Variants in FCAR observed in about 807,000 individuals in gnomAD.
FCAR encodes the protein immunoglobulin alpha Fc receptor.
FCAR carries 21 observed loss-of-function variants against 27.1 expected under a neutral mutation model. That is an observed-to-expected ratio of 0.77 (90% CI 0.55 to 1.11). The LOEUF (loss-of-function observed/expected upper bound fraction) is 1.11, where lower values mean the gene tolerates loss of function less well. FCAR is among the 50% of genes most tolerant of loss of function. The probability of loss-of-function intolerance (pLI) is 0.00; values close to 1 mark genes in which losing one functional copy is unlikely to be tolerated. For synonymous variants in FCAR, 134 were observed against 135.8 expected, an observed-to-expected ratio of 0.99 and a Z score of 0.09; for missense variants, 404 against 358.4, an observed-to-expected ratio of 1.13 and a Z score of -1.03.
intron 2 of FCAR, among the ~76,000 whole-genome samples, chr19:54,878,969 C>G (rs1477289779): frequency 6.7e-6 from 1 of 150,082 alleles, no homozygotes; most frequent in Non-Finnish European, 1.5e-5. Flanking sequence ...ACTTCTGCCT[C>G]CCAGGTTCAA....
intron 2 of FCAR, among the ~76,000 whole-genome samples, chr19:54,881,699 C>T (rs2066422912): frequency 6.6e-6 from 1 of 151,876 alleles, no homozygotes; most frequent in African/African-American, 2.4e-5. Flanking sequence ...GGTGAAACCC[C>T]GTCTCTACTG....
At chr19:54,887,482 G>A (rs1437190578) in intron 3 of FCAR, among the ~76,000 whole-genome samples, 11 of 151,750 alleles carry the variant, frequency 7.2e-5, no homozygotes, top group East Asian at 1.9e-4. Flanking sequence ...TTAGCTGGGC[G>A]TGGTGGCGGG....
intron 2 of FCAR, among the ~76,000 whole-genome samples, chr19:54,878,698 A>T: frequency 7.1e-6 from 1 of 141,378 alleles, no homozygotes. Flanking sequence ...GCCTTTTTTG[A>T]TCTTTGTTGG....
At position 54,888,039 on chromosome 19, in the gene FCAR, C is replaced by G; in HGVS notation, c.394C>G (p.Arg132Gly). Residue 132 changes from arginine to glycine, a missense_variant, in exon 4 of 5, where the codon CGG (arginine) becomes GGG (glycine). Coordinates refer to ENST00000355524, the MANE Select transcript of FCAR (RefSeq NM_002000.4). ...LYGKPFLSADRGLVLMPGENI... is the reference protein window; with the variant it reads ...LYGKPFLSADGGLVLMPGENI... ...TGGCAAACCCTTCCTCTCTGCAGAT[C>G]GGGGTCTGGTGTTGATGCCAGGAGA... is the stretch of plus-strand genomic sequence containing the variant. The G allele has an allele frequency of 1.2e-6, 2 of 1,613,926 alleles. No individual in the cohort carries two copies. The highest frequency in any genetic ancestry group is 1.7e-6 in the Non-Finnish European group (2 of 1,179,804).
chr19:54,879,873 G>A (rs1213765855), intron 2 of FCAR, among the ~76,000 whole-genome samples: 1 of 152,118 alleles, frequency 6.6e-6, no homozygotes, highest in Admixed American at 6.6e-5. Context: ...TTTTAGTAGA[G>A]ATGGGGTTTC....
chr19:54,886,287 T>TGTCATGTA (rs2066717687), intron 3 of FCAR, among the ~76,000 whole-genome samples: 1 of 137,090 alleles, frequency 7.3e-6, no homozygotes, highest in Non-Finnish European at 1.5e-5. Flanking sequence ...TGCATTCAGG[T>TGTCATGTA]GTCATGTATC....
intron 2 of FCAR, among the ~76,000 whole-genome samples, chr19:54,884,502 G>C (rs1031105691): frequency 6.6e-6 from 1 of 151,962 alleles, no homozygotes; most frequent in Non-Finnish European, 1.5e-5. Context: ...CATGGTGGTG[G>C]GCACCTGTAA....
chr19:54,885,373 A>G lies in FCAR; in HGVS notation c.209A>G (p.Glu70Gly). 1 of 1,614,088 alleles carries G rather than the reference A, an allele frequency of 6.2e-7. No individual in the cohort carries two copies. The highest frequency in any genetic ancestry group is 8.5e-7 in the Non-Finnish European group (1 of 1,180,014). Residue 70 changes from glutamate to glycine, a missense_variant, in exon 3 of 5, where the codon GAG (glutamate) becomes GGG (glycine). Transcript: ENST00000355524. ...LMIIKNSTYREIGRRLKFWNE... is the reference protein window; with the variant it reads ...LMIIKNSTYRGIGRRLKFWNE... ...ATCATAAAAAACTCCACGTACCGAG[A>G]GATAGGCAGAAGACTGAAGTTTTGG...
At position 54,885,364 on chromosome 19, in the gene FCAR, CGTACCGAGAGATAG is replaced by C; in HGVS notation, c.202_215del (p.Tyr68GlnfsTer8). On this transcript the variant is annotated frameshift_variant, in exon 3 of 5. Coordinates refer to ENST00000355524, the MANE Select transcript of FCAR (RefSeq NM_002000.4). LOFTEE classifies it high-confidence loss of function. ...CAGCTGATGATCATAAAAAACTCCA[CGTACCGAGAGATAG>C]GCAGAAGACTGAAGTTTTGGAATGA... 1 of 1,614,078 alleles carries C rather than the reference CGTACCGAGAGATAG, an allele frequency of 6.2e-7. No individual in the cohort carries two copies. The highest frequency in any genetic ancestry group is 1.6e-4 in the Middle Eastern group (1 of 6,062).
chr19:54,875,468 C>A, intron 2 of FCAR, 103 bp downstream of exon 2: 1 of 942,078 alleles, frequency 1.1e-6, no homozygotes, highest in Non-Finnish European at 1.7e-6. Context: ...ATTTTAATCC[C>A]CATTCTAGTT....
chr19:54,882,628 C>T (rs756684341), intron 2 of FCAR, among the ~76,000 whole-genome samples: 2 of 151,198 alleles, frequency 1.3e-5, no homozygotes, highest in Non-Finnish European at 3.0e-5. Context: ...TAGTAGAGCC[C>T]GGGTTTTGTC....
At chr19:54,883,111 T>C (rs1211982396) in intron 2 of FCAR, among the ~76,000 whole-genome samples, 1 of 151,990 alleles carries the variant, frequency 6.6e-6, no homozygotes, top group Non-Finnish European at 1.5e-5. Context: ...GGCTAAGTGA[T>C]CCTCCTGCCT....
At chr19:54,882,935 G>A (rs1227195508) in intron 2 of FCAR, among the ~76,000 whole-genome samples, 1 of 152,136 alleles carries the variant, frequency 6.6e-6, no homozygotes, top group Non-Finnish European at 1.5e-5. Context: ...GTGTGATCCA[G>A]TAGGTGGCAC....
intron 4 of FCAR, among the ~76,000 whole-genome samples, chr19:54,889,308 G>T (rs868563390): frequency 6.7e-6 from 1 of 148,536 alleles, no homozygotes; most frequent in Non-Finnish European, 1.5e-5. Context: ...GGAGGCGGAG[G>T]TTGCAGTGAG....
At chr19:54,874,947 G>T (rs1320699293) in intron 1 of FCAR, among the ~76,000 whole-genome samples, 1 of 152,084 alleles carries the variant, frequency 6.6e-6, no homozygotes, top group Non-Finnish European at 1.5e-5. Flanking sequence ...AAGGCAGGCG[G>T]ATCACAAGGT....
chr19:54,877,513 T>C (rs1371522992), intron 2 of FCAR, among the ~76,000 whole-genome samples: 1 of 152,196 alleles, frequency 6.6e-6, no homozygotes, highest in Non-Finnish European at 1.5e-5. Flanking sequence ...TAACTAGTCA[T>C]CTGTCTTACT....
At chr19:54,889,070 G>GAA (rs1192655305) in intron 4 of FCAR, 210 of 118,456 alleles carry the variant, frequency 1.8e-3, no homozygotes, top group Middle Eastern at 5.8e-3. Flanking sequence ...TCCACCTCAA[G>GAA]AAAAAAAAAA....
chr19:54,874,434 C>A, intron 1 of FCAR, 111 bp downstream of exon 1: 1 of 1,054,848 alleles, frequency 9.5e-7, no homozygotes, highest in Non-Finnish European at 1.5e-6. Context: ...CAAGGAGATT[C>A]TGATCTCCTT....
chr19:54,884,601 G>A (rs1016782735), intron 2 of FCAR, among the ~76,000 whole-genome samples: 1 of 151,638 alleles, frequency 6.6e-6, no homozygotes. Context: ...TGCAGCCTGG[G>A]CGACAAAACA....
Sources: gnomAD v4.1 joint callset for allele counts (sites outside exome capture counted in the v4.1 genomes callset) on GRCh38, gnomAD v4.1.1 for gene constraint, MANE v1.5 for transcripts, NCBI Gene and HGNC (gene_info 2026-07-23, HGNC 2026-07-21) for gene names.